The following PRKAR1B variants were observed in gnomAD, a reference collection of about 807,000 sequenced individuals.
The protein encoded by PRKAR1B is protein kinase cAMP-dependent type I regulatory subunit beta.
Under a neutral mutation model 46.5 loss-of-function variants are expected in PRKAR1B, and 22 were observed. The observed-to-expected ratio is 0.47, with a 90% CI of 0.34 to 0.68. The LOEUF (loss-of-function observed/expected upper bound fraction) is 0.68. Among genes scored for constraint, PRKAR1B ranks in the 30% least tolerant of loss-of-function variants. PRKAR1B has a pLI of 0.01. For missense variants in PRKAR1B, 445 were observed against 535.6 expected, an observed-to-expected ratio of 0.83 and a Z score of 1.67; for synonymous variants, 259 against 217.7, an observed-to-expected ratio of 1.19 and a Z score of -1.67.
intron 7 of PRKAR1B, among the ~76,000 whole-genome samples, chr7:587,916 G>A (rs915567218): frequency 5.9e-5 from 9 of 152,258 alleles, no homozygotes; most frequent in Non-Finnish European, 1.2e-4. Context: ...GCAAGCTCCA[G>A]TGAAATGGGG....
chr7:586,886 CTTT>C (rs67760235), intron 7 of PRKAR1B, among the ~76,000 whole-genome samples: 4 of 129,316 alleles, frequency 3.1e-5, no homozygotes, highest in Admixed American at 1.6e-4. Context: ...ATCCCACCTT[CTTT>C]TTTTTTTTTT....
chr7:642,221 A>G (rs895721819), intron 4 of PRKAR1B, among the ~76,000 whole-genome samples: 1 of 152,174 alleles, frequency 6.6e-6, no homozygotes, highest in Non-Finnish European at 1.5e-5. Flanking sequence ...AAATGTCCAG[A>G]AAATGCAGGC....
chr7:578,412 T>A (rs1435388341), intron 9 of PRKAR1B, among the ~76,000 whole-genome samples: 1 of 152,168 alleles, frequency 6.6e-6, no homozygotes, highest in Admixed American at 6.5e-5. Flanking sequence ...CACACACACA[T>A]CCAGATAGAG....
At chr7:568,590 C>G (rs906164216) in intron 9 of PRKAR1B, among the ~76,000 whole-genome samples, 6 of 152,226 alleles carry the variant, frequency 3.9e-5, no homozygotes, top group Non-Finnish European at 7.3e-5. Flanking sequence ...GACCACCCCC[C>G]ACAAGGGAGG....
chr7:554,346 G>A (rs1171153774), intron 9 of PRKAR1B, among the ~76,000 whole-genome samples: 8 of 152,264 alleles, frequency 5.3e-5, no homozygotes, highest in Non-Finnish European at 4.4e-5. Context: ...AGCCCATCAC[G>A]CTGACCTTGC....
chr7:595,403 C>T (rs972377910), intron 7 of PRKAR1B, among the ~76,000 whole-genome samples: 6 of 152,308 alleles, frequency 3.9e-5, no homozygotes, highest in Admixed American at 2.6e-4. Flanking sequence ...CCTCTGGGGC[C>T]GGGTGTTCAC....
intron 4 of PRKAR1B, among the ~76,000 whole-genome samples, chr7:659,123 G>C (rs1344431679): frequency 1.3e-5 from 2 of 152,094 alleles, no homozygotes; most frequent in Admixed American, 6.5e-5. Context: ...CTAAGACGCT[G>C]GTCTCTACCA....
At chr7:637,690 C>T (rs926890039) in intron 4 of PRKAR1B, among the ~76,000 whole-genome samples, 1 of 151,822 alleles carries the variant, frequency 6.6e-6, no homozygotes, top group Non-Finnish European at 1.5e-5. Context: ...AAAAAATTAG[C>T]CGGGTGTGGT....
chr7:702,715 C>T (rs1275493315), intron 2 of PRKAR1B, among the ~76,000 whole-genome samples: 2 of 152,014 alleles, frequency 1.3e-5, no homozygotes, highest in South Asian at 2.1e-4. Context: ...CCCAGCTACT[C>T]GGGAGGCTGA....
At chr7:626,693 A>C (rs989710789) in intron 4 of PRKAR1B, among the ~76,000 whole-genome samples, 4 of 148,086 alleles carry the variant, frequency 2.7e-5, no homozygotes, top group African/African-American at 5.0e-5. Flanking sequence ...ATCTTGGAGG[A>C]AAAAAAAAAG....
intron 6 of PRKAR1B, among the ~76,000 whole-genome samples, chr7:599,236 G>C (rs138788200): frequency 3.9e-5 from 6 of 152,152 alleles, no homozygotes; most frequent in Non-Finnish European, 7.4e-5. Context: ...GGCGCAGTGC[G>C]GGCCCCACCC....
chr7:672,325 T>C (rs1242774387), intron 4 of PRKAR1B, among the ~76,000 whole-genome samples: 7 of 152,034 alleles, frequency 4.6e-5, no homozygotes, highest in Middle Eastern at 3.4e-3. Context: ...CTAATTTTTG[T>C]ATTTTTAGTA....
At chr7:646,676 A>C (rs1010363068) in intron 4 of PRKAR1B, among the ~76,000 whole-genome samples, 1 of 152,160 alleles carries the variant, frequency 6.6e-6, no homozygotes, top group Non-Finnish European at 1.5e-5. Context: ...GAACCCCTGA[A>C]CTCACAATGA....
chr7:552,420 C>G (rs9330358), intron 9 of PRKAR1B, among the ~76,000 whole-genome samples: 2,080 of 72,274 alleles, frequency 0.029, 17 homozygotes, highest in African/African-American at 0.092. Context: ...ACGTCACCAC[C>G]CAAACCCCCA....
intron 4 of PRKAR1B, among the ~76,000 whole-genome samples, chr7:620,706 T>A (rs1783065624): frequency 6.6e-6 from 1 of 152,254 alleles, no homozygotes; most frequent in Non-Finnish European, 1.5e-5. Context: ...AGTTGTTCTG[T>A]GTATTCTATG....
chr7:700,248 G>A (rs578006829), intron 2 of PRKAR1B, among the ~76,000 whole-genome samples: 1 of 152,292 alleles, frequency 6.6e-6, no homozygotes, highest in Admixed American at 6.5e-5. Flanking sequence ...ACACAAGGGT[G>A]CGCCCAAGCA....
At chr7:608,690 G>T (rs71518317) in intron 4 of PRKAR1B, among the ~76,000 whole-genome samples, 2,024 of 29,082 alleles carry the variant, frequency 0.07, 222 homozygotes, top group South Asian at 0.19. Flanking sequence ...TTGTAGGGAG[G>T]GCTGGGGGGC....
At chr7:569,513 C>A (rs938665328) in intron 9 of PRKAR1B, among the ~76,000 whole-genome samples, 6 of 152,238 alleles carry the variant, frequency 3.9e-5, no homozygotes, top group Non-Finnish European at 8.8e-5. Context: ...GCCCGTTGTG[C>A]CCAAGGCCCT....
At position 583,455 on chromosome 7, in the gene PRKAR1B, ACT is replaced by A. The variant is rs200178183; in HGVS notation, c.769+1051_769+1052del. Among the ~76,000 whole-genome samples the A allele has an allele frequency of 6.9e-5, 8 of 116,004 alleles. 1 individual carries two copies. Among genetic ancestry groups the A allele is most frequent in the Admixed American group, 1.6e-4 (2 of 12,262 alleles). 76.1% of individuals were successfully genotyped at this position (116,004 alleles called of 152,430 possible). A position where few individuals can be genotyped will look rare whatever the true frequency, so the allele number is the denominator to read the frequency against. On this transcript the variant is annotated intron_variant, in intron 8 of 10. Coordinates refer to ENST00000537384, the MANE Select transcript of PRKAR1B (RefSeq NM_001164760.2). Reference sequence around the variant, plus strand: ...ACACCCACAGTGCACACTCACACCCACTCACACACGTGCACTCACACCCACGC... The same window carrying A: ...ACACCCACAGTGCACACTCACACCCACACACACGTGCACTCACACCCACGC...
Sources: allele counts gnomAD v4.1 joint callset (sites outside exome capture counted in the v4.1 genomes callset), GRCh38; gene constraint gnomAD v4.1.1; transcripts MANE v1.5; gene names NCBI Gene and HGNC (gene_info 2026-07-23, HGNC 2026-07-21).